Variants in CACNA1H observed in about 807,000 individuals in gnomAD.
CACNA1H encodes calcium voltage-gated channel subunit alpha1 H.
Under a neutral mutation model 192.5 loss-of-function variants are expected in CACNA1H, and 149 were observed. The observed-to-expected ratio is 0.77, with a 90% CI of 0.68 to 0.89. The LOEUF (loss-of-function observed/expected upper bound fraction) is 0.89. CACNA1H is among the 40% of genes least tolerant of loss of function. The pLI, the probability that CACNA1H is intolerant of heterozygous loss-of-function variation, is 0.00. For missense variants in CACNA1H, 4,257 were observed against 3,423.5 expected, an observed-to-expected ratio of 1.24 and a Z score of -6.08; for synonymous variants, 2,202 against 1,475.2, an observed-to-expected ratio of 1.49 and a Z score of -11.29.
At chr16:1,210,342 C>CCCCCCAG in intron 18 of CACNA1H, 28 bp from the exon 19 acceptor site, 3 of 999,076 alleles carry the variant, frequency 3.0e-6, no homozygotes, top group Non-Finnish European at 4.5e-6. Flanking sequence ...CGCCCCGCCC[C>CCCCCCAG]ACCTCTCACC....
intron 27 of CACNA1H, among the ~76,000 whole-genome samples, chr16:1,214,769 T>C (rs1969861303): frequency 6.6e-6 from 1 of 152,096 alleles, no homozygotes; most frequent in African/African-American, 2.4e-5. Flanking sequence ...CTCATTCACC[T>C]GATCAGACAC....
At chr16:1,195,903 C>T (rs1266458423) in intron 4 of CACNA1H, 23 bp from the exon 5 acceptor site, 2 of 1,590,554 alleles carry the variant, frequency 1.3e-6, no homozygotes, top group East Asian at 2.2e-5. Flanking sequence ...TGTTGAGCTG[C>T]TCCCCCTCGG....
intron 27 of CACNA1H, 78 bp from the exon 28 acceptor site, chr16:1,214,894 C>G (rs760788250): frequency 2.1e-5 from 23 of 1,108,354 alleles, no homozygotes; most frequent in African/African-American, 3.1e-5. Flanking sequence ...CGGGGGCACT[C>G]GGGCGTGCAG....
In CACNA1H at chr16:1,214,023, G is replaced by A. The variant is rs988870967; in HGVS notation, c.4929+92G>A. On this transcript the variant is annotated intron_variant, in intron 27 of 34. Transcript: ENST00000348261. ...GGGCACAACCCTGGACCGGCGCTCC[G>A]CTGAGCCCTCGCTGGGGTTTGCGTG... The A allele has an allele frequency of 4.5e-5, 51 of 1,130,918 alleles. No homozygotes were observed. The Admixed American group carries it at 6.7e-4, about 15-fold the overall frequency. The allele number at this position is 1,130,918 out of a possible 1,614,324, so 70.1% of individuals were successfully genotyped here.
At chr16:1,160,848 C>T (rs1310379813) in intron 2 of CACNA1H, among the ~76,000 whole-genome samples, 3 of 152,128 alleles carry the variant, frequency 2.0e-5, no homozygotes, top group Non-Finnish European at 2.9e-5. Flanking sequence ...TTGGAGGCCC[C>T]GTGCAGCGTC....
At position 1,202,224 on chromosome 16, in the gene CACNA1H, G is replaced by T; in HGVS notation, c.1774G>T (p.Ala592Ser). The change falls in exon 9 of 35, where the codon GCA becomes TCA. Residue 592 changes from alanine to serine, a missense_variant. By Grantham distance (99) the Ala-to-Ser change is moderately conservative (BLOSUM62 1). Coordinates refer to ENST00000348261, the MANE Select transcript of CACNA1H (RefSeq NM_021098.3). ...GGGGCCGCAGGAGAGGGCCCGGGTG[G>T]CACATGCCGCAGCCACTGCCGCTGC... is the stretch of plus-strand genomic sequence containing the variant. ...IEGPQERARV[A>S]HAAATAAASL... is the part of the protein sequence containing the mutation. 4.5e-6 allele frequency: 7 copies of T among 1,554,666 alleles called. No homozygotes were observed. The highest frequency in any genetic ancestry group is 2.4e-5 in the East Asian group (1 of 41,054).
At chr16:1,190,467 G>A (rs1029360993) in intron 2 of CACNA1H, among the ~76,000 whole-genome samples, 6 of 152,220 alleles carry the variant, frequency 3.9e-5, no homozygotes, top group Non-Finnish European at 5.9e-5. Flanking sequence ...TGGCCTGTGC[G>A]GGATGTGGGA....
Position 1,215,036 on chromosome 16 carries a change from C to T in CACNA1H, c.4994C>T (p.Ala1665Val), listed in dbSNP as rs1317563201. The change falls in exon 28 of 35, where the codon GCA (alanine) becomes GTA (valine). Residue 1665 changes from alanine to valine, a missense_variant. Physicochemically the swap from Ala to Val is moderately conservative, Grantham distance 64. Coordinates refer to ENST00000348261, the MANE Select transcript of CACNA1H (RefSeq NM_021098.3). ...ACCATCGTGTTTGTCTTCGAGGCTG[C>T]ACTGAAGCTGGTAGCATTTGGGTTC... ...VFTIVFVFEA[A>V]LKLVAFGFRR... 1.2e-6 allele frequency: 2 copies of T among 1,613,120 alleles called. No individual in the cohort carries two copies. The highest frequency in any genetic ancestry group is 1.7e-5 in the Admixed American group (1 of 59,924).
At chr16:1,170,353 G>A (rs1321806128) in intron 2 of CACNA1H, among the ~76,000 whole-genome samples, 2 of 152,340 alleles carry the variant, frequency 1.3e-5, no homozygotes, top group East Asian at 1.9e-4. Flanking sequence ...TCCCTGGGAC[G>A]GAGCCAGCGG....
At chr16:1,196,104 C>T (rs1966935247) in intron 5 of CACNA1H, 81 bp downstream of exon 5, 2 of 1,098,668 alleles carry the variant, frequency 1.8e-6, no homozygotes, top group East Asian at 2.4e-5. Context: ...AAAGGGCCCC[C>T]AGGAGCACAG....
In CACNA1H at chr16:1,220,645, C is replaced by T. The variant is rs774045741; in HGVS notation, c.6713C>T (p.Ser2238Leu). ...GACTCCCTGGAGCCCACAGAGGGCT[C>T]AGGCGCCGGGGGGGACCCTGCAGCC... is the stretch of plus-strand genomic sequence containing the variant. ...HRDSLEPTEG[S>L]GAGGDPAAKG... Residue 2238 changes from serine to leucine, a missense_variant, in exon 35 of 35, where the codon TCA becomes TTA. By Grantham distance (145) the Ser-to-Leu change is moderately radical (BLOSUM62 -2). Coordinates refer to ENST00000348261, the MANE Select transcript of CACNA1H (RefSeq NM_021098.3). 1.5e-5 allele frequency: 24 copies of T among 1,602,974 alleles called. No homozygotes were observed. The highest frequency in any genetic ancestry group is 2.0e-5 in the Non-Finnish European group (23 of 1,175,218).
chr16:1,153,471 G>A lies in CACNA1H; in HGVS notation c.-19+1G>A, dbSNP rs1961840028. The A allele has an allele frequency of 4.9e-6, 1 of 204,348 alleles. No homozygotes were observed. The highest frequency in any genetic ancestry group is 9.7e-6 in the Non-Finnish European group (1 of 103,362). 12.7% of individuals were successfully genotyped at this position (204,348 alleles called of 1,614,324 possible). On this transcript the variant is annotated splice_donor_variant, in intron 1 of 34. Transcript: ENST00000348261. LOFTEE classifies it low-confidence loss of function (5UTR_SPLICE). ...GGACGCCGCCGGCCAGCAGAGCGAGGTGAGACGCGGCGAGGACGCGCGCCC... is the reference window on the plus strand; with the variant it reads ...GGACGCCGCCGGCCAGCAGAGCGAGATGAGACGCGGCGAGGACGCGCGCCC...
chr16:1,154,289 C>T (rs1443208684), intron 2 of CACNA1H, among the ~76,000 whole-genome samples: 1 of 152,044 alleles, frequency 6.6e-6, no homozygotes, highest in African/African-American at 2.4e-5. Flanking sequence ...AAGGTGGAAG[C>T]GAAGCGGTGA....
chr16:1,212,921 G>A (rs574631598), intron 26 of CACNA1H, among the ~76,000 whole-genome samples: 15 of 152,362 alleles, frequency 9.8e-5, no homozygotes, highest in Middle Eastern at 6.8e-3. Flanking sequence ...CATGAGGGTC[G>A]GGTGGCGGGT....
At chr16:1,163,588 C>T (rs867589343) in intron 2 of CACNA1H, among the ~76,000 whole-genome samples, 3 of 152,252 alleles carry the variant, frequency 2.0e-5, no homozygotes, top group South Asian at 2.1e-4. Flanking sequence ...CTGCCCTGGT[C>T]TTTGCGGGCA....
intron 2 of CACNA1H, among the ~76,000 whole-genome samples, chr16:1,190,466 C>T (rs529465809): frequency 3.9e-5 from 6 of 152,268 alleles, no homozygotes; most frequent in African/African-American, 7.2e-5. Context: ...CTGGCCTGTG[C>T]GGGATGTGGG....
At chr16:1,217,747 C>T (rs1285188041) in intron 31 of CACNA1H, among the ~76,000 whole-genome samples, 172 bp from the exon 32 acceptor site, 1 of 152,256 alleles carries the variant, frequency 6.6e-6, no homozygotes, top group Non-Finnish European at 1.5e-5. Context: ...GCTCCGACCT[C>T]ACACCCAGGG....
Position 1,195,985 on chromosome 16 carries a change from G to C in CACNA1H, c.605G>C (p.Arg202Pro). ...AGCCTCTCGGCTATCAGGACCGTGCGGGTGCTGCGGCCCCTCCGCGCCATC... is the reference window on the plus strand; with the variant it reads ...AGCCTCTCGGCTATCAGGACCGTGCCGGTGCTGCGGCCCCTCCGCGCCATC... ...NVSLSAIRTV[R>P]VLRPLRAINR... is the part of the protein sequence containing the mutation. The change falls in exon 5 of 35, where the codon CGG (arginine) becomes CCG (proline). Residue 202 changes from arginine to proline, a missense_variant. Coordinates refer to ENST00000348261, the MANE Select transcript of CACNA1H (RefSeq NM_021098.3). 1 of 1,613,052 alleles carries C rather than the reference G, an allele frequency of 6.2e-7. No individual in the cohort carries two copies. Among genetic ancestry groups the C allele is most frequent in the Non-Finnish European group, 8.5e-7 (1 of 1,179,818 alleles).
At chr16:1,193,479 G>A (rs74002012) in intron 2 of CACNA1H, among the ~76,000 whole-genome samples, 8 of 152,364 alleles carry the variant, frequency 5.3e-5, no homozygotes, top group Non-Finnish European at 7.3e-5. Context: ...GAGGCTTGCC[G>A]TGAAGGCGCT....
Sources: gnomAD v4.1 joint callset for allele counts (sites outside exome capture counted in the v4.1 genomes callset) on GRCh38, gnomAD v4.1.1 for gene constraint, MANE v1.5 for transcripts, NCBI Gene and HGNC (gene_info 2026-07-23, HGNC 2026-07-21) for gene names.